Variants in CADM2 observed in about 807,000 individuals in gnomAD.
The protein encoded by CADM2 is cell adhesion molecule 2.
CADM2 carries 12 observed loss-of-function variants against 49.8 expected under a neutral mutation model. The ratio of observed to expected loss-of-function variants is 0.24; its 90% CI spans 0.15 to 0.39. The LOEUF (loss-of-function observed/expected upper bound fraction) is 0.39, where lower values mean the gene tolerates loss of function less well. CADM2 is among the 10% of genes least tolerant of loss of function. The pLI, the probability that CADM2 is intolerant of heterozygous loss-of-function variation, is 1.00. For missense variants in CADM2, 378 were observed against 492.3 expected (o/e 0.77, Z 2.20); for synonymous variants, 214 against 175.4 (o/e 1.22, Z -1.74).
intron 1 of CADM2, among the ~76,000 whole-genome samples, chr3:85,010,851 CTTTTTTTTTTT>C (rs71105001): frequency 3.1e-4 from 11 of 35,686 alleles, no homozygotes; most frequent in African/African-American, 1.2e-3. Context: ...CTGTTTATGT[CTTTTTTTTTTT>C]TTTTTTTTTT....
chr3:85,060,670 A>G (rs1362057909), intron 1 of CADM2, among the ~76,000 whole-genome samples: 2 of 152,178 alleles, frequency 1.3e-5, no homozygotes, highest in African/African-American at 2.4e-5. Context: ...TTTGAATATT[A>G]CATGATAGCT....
At position 85,735,221 on chromosome 3, in the gene CADM2, G is replaced by C. The variant is rs57477500; in HGVS notation, c.88+8673G>C. Among the ~76,000 whole-genome samples the C allele has an allele frequency of 9.3e-3, 1,415 of 152,220 alleles. 28 individuals carry two copies. The highest frequency in any genetic ancestry group is 0.033 in the African/African-American group (1,364 of 41,538). ...ATACTTGGGCAGAGTAGAAAAGACAGTGGTTCTAATTTTGAGTCGGTAGAC... is the reference window on the plus strand; with the variant it reads ...ATACTTGGGCAGAGTAGAAAAGACACTGGTTCTAATTTTGAGTCGGTAGAC... On this transcript the variant is annotated intron_variant, in intron 2 of 9. Transcript: ENST00000383699.
intron 7 of CADM2, among the ~76,000 whole-genome samples, chr3:85,951,840 A>G (rs753788801): frequency 6.0e-5 from 9 of 150,980 alleles, no homozygotes; most frequent in Non-Finnish European, 8.9e-5. Flanking sequence ...GAGAAGATGG[A>G]AAAGTTGGGT....
intron 1 of CADM2, among the ~76,000 whole-genome samples, chr3:85,385,070 G>A (rs1343797601): frequency 6.6e-6 from 1 of 151,904 alleles, no homozygotes; most frequent in Admixed American, 6.6e-5. Flanking sequence ...TGAGTAGCTG[G>A]GACTACAGGT....
chr3:85,157,954 TA>T (rs2040192015), intron 1 of CADM2, among the ~76,000 whole-genome samples: 1 of 151,960 alleles, frequency 6.6e-6, no homozygotes, highest in Admixed American at 6.6e-5. Context: ...GACAAAGGGC[TA>T]ATATCCAGAA....
rs551165579 is a variant in CADM2 at position 84,979,659 on chromosome 3, G to A, written c.61+19991G>A. Reference sequence around the variant, plus strand: ...ATAAATGAAGATGATTTTACACTAAGTATTATAAACTGTTTTTTTTATATC... The same window carrying A: ...ATAAATGAAGATGATTTTACACTAAATATTATAAACTGTTTTTTTTATATC... On this transcript the variant is annotated intron_variant, in intron 1 of 9. Coordinates refer to ENST00000383699, the MANE Select transcript of CADM2 (RefSeq NM_001167675.2). Among the ~76,000 whole-genome samples the A allele has an allele frequency of 3.0e-4, 46 of 151,536 alleles. No individual in the cohort carries two copies. The South Asian group carries it at 5.0e-3, about 16-fold the overall frequency.
intron 2 of CADM2, among the ~76,000 whole-genome samples, chr3:85,767,118 A>G (rs908065798): frequency 6.6e-6 from 1 of 152,192 alleles, no homozygotes; most frequent in African/African-American, 2.4e-5. Flanking sequence ...ACTGCTAGTA[A>G]CAAAGTATGT....
chr3:85,492,617 A>C (rs2039721646), intron 1 of CADM2, among the ~76,000 whole-genome samples: 1 of 152,094 alleles, frequency 6.6e-6, no homozygotes. Flanking sequence ...AAATAAAAGT[A>C]AATGGAATAT....
chr3:85,812,500 C>T (rs2072943105), intron 3 of CADM2, among the ~76,000 whole-genome samples: 1 of 152,062 alleles, frequency 6.6e-6, no homozygotes, highest in South Asian at 2.1e-4. Flanking sequence ...TCAGCACAGG[C>T]ATCATGATAA....
intron 1 of CADM2, among the ~76,000 whole-genome samples, chr3:85,482,750 T>C (rs1010798163): frequency 2.6e-5 from 4 of 151,694 alleles, no homozygotes; most frequent in African/African-American, 9.7e-5. Context: ...TTCTAACCTT[T>C]ATATTCTACA....
intron 3 of CADM2, among the ~76,000 whole-genome samples, chr3:85,852,603 G>A (rs1197426226): frequency 1.3e-5 from 2 of 152,090 alleles, no homozygotes; most frequent in Non-Finnish European, 2.9e-5. Context: ...CAGTATACAA[G>A]GATGGAGACA....
intron 1 of CADM2, among the ~76,000 whole-genome samples, chr3:85,140,233 C>A (rs1455959183): frequency 3.9e-5 from 6 of 152,108 alleles, no homozygotes; most frequent in African/African-American, 1.4e-4. Context: ...ATTTTAAGTG[C>A]AGTTATCCTT....
intron 7 of CADM2, among the ~76,000 whole-genome samples, chr3:85,938,420 A>G (rs1721441795): frequency 6.6e-6 from 1 of 152,086 alleles, no homozygotes; most frequent in Non-Finnish European, 1.5e-5. Flanking sequence ...TAAAGGAAAG[A>G]CTATCAACTT....
At position 85,090,479 on chromosome 3, in the gene CADM2, G is replaced by A. The variant is rs569819047; in HGVS notation, c.61+130811G>A. ...GTCACAAATGAATAGATTTTTCTAT[G>A]CACTAATAATAATAACAGAATAGAT... On this transcript the variant is annotated intron_variant, in intron 1 of 9. Coordinates refer to ENST00000383699, the MANE Select transcript of CADM2 (RefSeq NM_001167675.2). Among the ~76,000 whole-genome samples, 16 of 152,172 alleles carry A rather than the reference G, an allele frequency of 1.1e-4. 1 individual carries two copies. Among genetic ancestry groups the A allele is most frequent in the African/African-American group, 3.6e-4 (15 of 41,522 alleles).
intron 1 of CADM2, among the ~76,000 whole-genome samples, chr3:85,555,169 A>T (rs1006981793): frequency 6.6e-6 from 1 of 152,170 alleles, no homozygotes; most frequent in Non-Finnish European, 1.5e-5. Context: ...ATTTATACCA[A>T]GTGTGTGAAT....
chr3:85,289,017 C>T (rs2043707989), intron 1 of CADM2, among the ~76,000 whole-genome samples: 1 of 151,936 alleles, frequency 6.6e-6, no homozygotes, highest in Non-Finnish European at 1.5e-5. Flanking sequence ...TCCTATGTAC[C>T]AGGCATTTTG....
At chr3:85,750,165 AC>A (rs2068805048) in intron 2 of CADM2, among the ~76,000 whole-genome samples, 1 of 151,822 alleles carries the variant, frequency 6.6e-6, no homozygotes, top group East Asian at 1.9e-4. Context: ...CAAAAGTTCA[AC>A]CTTTGATCAT....
intron 3 of CADM2, among the ~76,000 whole-genome samples, chr3:85,855,294 C>T (rs1397847957): frequency 1.3e-5 from 2 of 152,038 alleles, no homozygotes; most frequent in Non-Finnish European, 2.9e-5. Context: ...CCCAAGCCAC[C>T]CTCTAAACTA....
intron 1 of CADM2, among the ~76,000 whole-genome samples, chr3:85,462,049 T>A (rs1055696184): frequency 2.0e-5 from 3 of 152,208 alleles, no homozygotes; most frequent in African/African-American, 7.2e-5. Context: ...ATTAATCAGG[T>A]TACCACTGTC....
Sources: gnomAD v4.1 joint callset for allele counts (sites outside exome capture counted in the v4.1 genomes callset) on GRCh38, gnomAD v4.1.1 for gene constraint, MANE v1.5 for transcripts, NCBI Gene and HGNC (gene_info 2026-07-23, HGNC 2026-07-21) for gene names.